The following GPANK1 variants were observed in gnomAD, a reference collection of about 807,000 sequenced individuals.
GPANK1 encodes the protein G patch domain and ankyrin repeat-containing protein 1.
Under a neutral mutation model 24.0 loss-of-function variants are expected in GPANK1, and 22 were observed. The ratio of observed to expected loss-of-function variants is 0.92; its 90% CI spans 0.66 to 1.31. The LOEUF (loss-of-function observed/expected upper bound fraction) is 1.31, where lower values mean the gene tolerates loss of function less well. Among genes scored for constraint, GPANK1 ranks in the 50% most tolerant of loss-of-function variants. GPANK1 has a pLI of 0.00. For synonymous variants in GPANK1, 174 were observed against 177.4 expected (o/e 0.98, Z 0.15); for missense variants, 469 against 453.5 (o/e 1.03, Z -0.31).
In GPANK1 at chr6:31,662,154, A is replaced by G. The variant is rs1800940771; in HGVS notation, c.*112T>C. The G allele has an allele frequency of 4.7e-6, 3 of 633,028 alleles. No homozygotes were observed. The highest frequency in any genetic ancestry group is 8.1e-6 in the Non-Finnish European group (3 of 370,418). The allele number at this position is 633,028 out of a possible 1,614,324, so 39.2% of individuals were successfully genotyped here. ...TCACGAAGACAGAGCCTATTGACCA[A>G]AAACTTCAGGATCTGCATCTGAGCA... On this transcript the variant is annotated 3_prime_UTR_variant, in exon 3 of 3. Coordinates refer to ENST00000375896, the MANE Select transcript of GPANK1 (RefSeq NM_033177.4). This position sits in a 1 kb window ranked among gnomAD's most constrained non-coding sequence, Gnocchi z 5.5.
upstream of GPANK1, chr6:31,665,782 T>C: frequency 2.7e-6 from 3 of 1,099,288 alleles, no homozygotes; most frequent in Non-Finnish European, 3.7e-6. Flanking sequence ...GCTCCCTCCT[T>C]TCCCCGCCCT....
upstream of GPANK1, chr6:31,665,779 C>T (rs1801599650): frequency 2.8e-6 from 3 of 1,086,234 alleles, no homozygotes; most frequent in Non-Finnish European, 2.5e-6. Flanking sequence ...CTGGCTCCCT[C>T]CTTTCCCCGC....
At chr6:31,663,780 G>A (rs1801220414) in intron 2 of GPANK1, 73 bp downstream of exon 2, 7 of 1,517,012 alleles carry the variant, frequency 4.6e-6, no homozygotes, top group Non-Finnish European at 6.2e-6. Context: ...ACTGTGCTGG[G>A]GCGTCTGGTG....
In GPANK1 at chr6:31,664,203, A is replaced by G; in HGVS notation, c.276T>C (p.His92=). 6.2e-7 allele frequency: 1 copy of G among 1,614,072 alleles called. No individual in the cohort carries two copies. ...EAVAEGASGR[H]GQGRSLEAED... ...CAGCCTCAAGGGATCTCCCTTGTCC[A>G]TGTCTTCCTGATGCTCCTTCTGCCA... is the stretch of plus-strand genomic sequence containing the variant. Residue 92 remains histidine, a synonymous_variant, in exon 2 of 3, where the codon CAT becomes CAC. Transcript: ENST00000375896.
Position 31,662,543 on chromosome 6 carries a change from C to A in GPANK1, c.794G>T (p.Arg265Met), listed in dbSNP as rs536451286. The A allele has an allele frequency of 1.2e-6, 2 of 1,613,012 alleles. No homozygotes were observed. Among genetic ancestry groups the A allele is most frequent in the Non-Finnish European group, 8.5e-7 (1 of 1,180,002 alleles). Residue 265 changes from arginine (R) to methionine (M), a missense_variant, in exon 3 of 3, where the codon AGG becomes ATG. Transcript: ENST00000375896. This position sits in a 1 kb window ranked among gnomAD's most constrained non-coding sequence, Gnocchi z 5.5. Reference protein sequence around the residue: ...ISSPGFKLLLRGGWEPGMGLG... With the variant: ...ISSPGFKLLLMGGWEPGMGLG... ...CCCCATTCCTGGCTCCCAGCCCCCC[C>A]TCAGCAGCAGTTTGAAGCCCGGGCT...
At chr6:31,664,658 A>T in intron 1 of GPANK1, 81 bp from the exon 2 acceptor site, 1 of 595,280 alleles carries the variant, frequency 1.7e-6, no homozygotes, top group East Asian at 2.8e-5. Context: ...GCAGGGCCTA[A>T]GGGAGAGAGA....
At position 31,664,159 on chromosome 6, in the gene GPANK1, C is replaced by T. The variant is rs763986309; in HGVS notation, c.320G>A (p.Arg107Gln). 3 of 1,614,114 alleles carry T rather than the reference C, an allele frequency of 1.9e-6. No homozygotes were observed. The highest frequency in any genetic ancestry group is 2.7e-5 in the African/African-American group (2 of 74,938). The change falls in exon 2 of 3, where the codon CGG becomes CAG. Residue 107 changes from arginine (R) to glutamine (Q), a missense_variant. By Grantham distance (43) the Arg-to-Gln change is conservative. Transcript: ENST00000375896. ...CCCCTCCTGGGCTGCCCTCAGTATC[C>T]GGTGAGTCATCTTATCCTCAGCCTC... is the stretch of plus-strand genomic sequence containing the variant. Reference protein sequence around the residue: ...SLEAEDKMTHRILRAAQEGDL... With the variant: ...SLEAEDKMTHQILRAAQEGDL...
At position 31,662,283 on chromosome 6, in the gene GPANK1, T is replaced by C; in HGVS notation, c.1054A>G (p.Met352Val). 2 of 1,550,356 alleles carry C rather than the reference T, an allele frequency of 1.3e-6. No individual in the cohort carries two copies. The highest frequency in any genetic ancestry group is 1.4e-5 in the African/African-American group (1 of 73,380). The part of the protein sequence containing the change: ...RAWERDLRTY[M>V]NLEF ...TACCAAAGTCAGAACTCGAGGTTCA[T>C]GTAAGTCCTTAGATCCCGCTCCCAA... The change falls in exon 3 of 3, where the codon ATG becomes GTG. Residue 352 changes from methionine to valine, a missense_variant. Met to Val is a conservative substitution (Grantham distance 21). Coordinates refer to ENST00000375896, the MANE Select transcript of GPANK1 (RefSeq NM_033177.4). This position sits in a 1 kb window ranked among gnomAD's most constrained non-coding sequence, Gnocchi z 5.5.
upstream of GPANK1, chr6:31,665,818 A>G: frequency 8.0e-7 from 1 of 1,253,326 alleles, no homozygotes; most frequent in South Asian, 1.7e-5. Context: ...CCCAGTGAGC[A>G]CAAAACTGTA....
In GPANK1 at chr6:31,661,392, C is replaced by T. The variant is rs1355456650; in HGVS notation, c.*874G>A. Reference sequence around the variant, plus strand: ...CTAGAGGCCTTGACTTCCCTTATCACCCTGCATTATAATATTTGATAACAT... The same window carrying T: ...CTAGAGGCCTTGACTTCCCTTATCATCCTGCATTATAATATTTGATAACAT... On this transcript the variant is annotated 3_prime_UTR_variant, in exon 3 of 3. Coordinates refer to ENST00000375896, the MANE Select transcript of GPANK1 (RefSeq NM_033177.4). 6.6e-6 allele frequency: 1 copy of T among 152,316 alleles called. No homozygotes were observed. Among genetic ancestry groups the T allele is most frequent in the Non-Finnish European group, 1.5e-5 (1 of 68,074 alleles). 9.4% of individuals were successfully genotyped at this position (152,316 alleles called of 1,614,324 possible).
chr6:31,666,265 G>A, upstream of GPANK1: 1 of 893,206 alleles, frequency 1.1e-6, no homozygotes, highest in Non-Finnish European at 1.3e-6. Flanking sequence ...GGCACATGGG[G>A]TCTCCGGACT....
chr6:31,662,590 A>G lies in GPANK1; in HGVS notation c.747T>C (p.Leu249=). The change falls in exon 3 of 3, where the codon CTT becomes CTC. Residue 249 remains leucine, a synonymous_variant. Transcript: ENST00000375896. The surrounding 1 kb of genome is among the most constrained non-coding windows in gnomAD (Gnocchi z 5.5). ...SLSQGPQPPN[L]PLGVPISSPG... ...GGCTGGAGATGGGCACCCCAAGTGG[A>G]AGGTTGGGAGGCTGAGGACCCTGCG... 1 of 1,612,696 alleles carries G rather than the reference A, an allele frequency of 6.2e-7. No individual in the cohort carries two copies.
At position 31,661,623 on chromosome 6, in the gene GPANK1, T is replaced by C; in HGVS notation, c.*643A>G. On this transcript the variant is annotated 3_prime_UTR_variant, in exon 3 of 3. Transcript: ENST00000375896. ...GCTGAGGCAGGAGAATCCCTTGAAC[T>C]CGGGGGGCAGAGGTTGTGGTGAGCC... The C allele has an allele frequency of 1.3e-5, 2 of 153,352 alleles. No homozygotes were observed. Among genetic ancestry groups the C allele is most frequent in the Non-Finnish European group, 2.9e-5 (2 of 68,750 alleles). 9.5% of individuals were successfully genotyped at this position (153,352 alleles called of 1,614,324 possible).
rs895009768 is a variant in GPANK1 at position 31,664,294 on chromosome 6, G to C, written c.185C>G (p.Thr62Ser). 27 of 1,614,152 alleles carry C rather than the reference G, an allele frequency of 1.7e-5. No individual in the cohort carries two copies. The highest frequency in any genetic ancestry group is 2.2e-5 in the Non-Finnish European group (26 of 1,180,014). ...SSAPDSQRSQTEPARERKRKK... is the reference protein window; with the variant it reads ...SSAPDSQRSQSEPARERKRKK... ...TCTCTTTCTTTCTCTGGCAGGTTCA[G>C]TCTGAGATCTCTGGGAGTCAGGAGC... Residue 62 changes from threonine to serine, a missense_variant, in exon 2 of 3, where the codon ACT becomes AGT. By Grantham distance (58) the Thr-to-Ser change is moderately conservative. Transcript: ENST00000375896.
upstream of GPANK1, chr6:31,665,689 G>A (rs1801585652): frequency 1.2e-6 from 1 of 804,008 alleles, no homozygotes; most frequent in Non-Finnish European, 2.0e-6. Flanking sequence ...GATTGGCCGA[G>A]GATAGGCCAG....
rs2151169949 is a variant in GPANK1, at chr6:31,664,194, C to T, written c.285G>A (p.Gly95=). 3.7e-6 allele frequency: 6 copies of T among 1,614,244 alleles called. No individual in the cohort carries two copies. The highest frequency in any genetic ancestry group is 5.1e-6 in the Non-Finnish European group (6 of 1,180,032). The change falls in exon 2 of 3, where the codon GGG becomes GGA. Residue 95 remains glycine (G), a synonymous_variant. Transcript: ENST00000375896. ...TCTTATCCTCAGCCTCAAGGGATCT[C>T]CCTTGTCCATGTCTTCCTGATGCTC... The part of the protein sequence containing the change: ...AEGASGRHGQ[G]RSLEAEDKMT...
chr6:31,664,075 T>C lies in GPANK1; in HGVS notation c.404A>G (p.Asn135Ser), dbSNP rs780602605. ...CCAGAAGGCATCCCGGGCGTTGATA[T>C]TCCCCCCAGCTCCTCCTGCCTCATG... Reference protein sequence around the residue: ...EPHEAGGAGGNINARDAFWWT... With the variant: ...EPHEAGGAGGSINARDAFWWT... Residue 135 changes from asparagine to serine, a missense_variant, in exon 2 of 3, where the codon AAT (asparagine) becomes AGT (serine). By Grantham distance (46) the Asn-to-Ser change is conservative. Transcript: ENST00000375896. The C allele has an allele frequency of 1.5e-5, 24 of 1,614,202 alleles. No homozygotes were observed. Among genetic ancestry groups the C allele is most frequent in the Non-Finnish European group, 2.0e-5 (24 of 1,180,020 alleles).
chr6:31,665,394 C>T, upstream of GPANK1: 1 of 1,490,344 alleles, frequency 6.7e-7, no homozygotes, highest in South Asian at 1.2e-5. Flanking sequence ...CACGCCTGCC[C>T]CTCACCATTA....
At chr6:31,665,571 C>CA, upstream of GPANK1, 1 of 1,370,568 alleles carries the variant, frequency 7.3e-7, no homozygotes, top group Non-Finnish European at 1.0e-6. Flanking sequence ...AGCCAAGCCG[C>CA]ACCTCTCCCC....
Sources: gnomAD v4.1 joint callset for allele counts on GRCh38, gnomAD v4.1.1 for gene constraint, Gnocchi (gnomAD v3.1) non-coding constraint, MANE v1.5 for transcripts, NCBI Gene and HGNC (gene_info 2026-07-23, HGNC 2026-07-21) for gene names.